Variants in USP7 observed in about 807,000 individuals in gnomAD.
USP7 encodes the protein ubiquitin C-terminal hydrolase 7.
In USP7, 9 loss-of-function variants were observed where a neutral mutation model predicts 162.9. The ratio of observed to expected loss-of-function variants is 0.06; its 90% CI spans 0.03 to 0.10. The LOEUF (loss-of-function observed/expected upper bound fraction) is 0.10, where lower values mean the gene tolerates loss of function less well. USP7 is among the 10% of genes least tolerant of loss of function. The pLI, the probability that USP7 is intolerant of heterozygous loss-of-function variation, is 1.00. For synonymous variants in USP7, 562 were observed against 475.9 expected, an observed-to-expected ratio of 1.18 and a Z score of -2.35; for missense variants, 715 against 1,373.7, an observed-to-expected ratio of 0.52 and a Z score of 7.58.
chr16:8,896,137 CTTTTTT>C (rs60467243), intron 26 of USP7, among the ~76,000 whole-genome samples: 7 of 126,106 alleles, frequency 5.6e-5, no homozygotes, highest in Middle Eastern at 4.2e-3. Context: ...CCATGCCCAG[CTTTTTT>C]TTTTTTTTTT....
At chr16:8,959,323 A>C (rs115256200) in intron 1 of USP7, among the ~76,000 whole-genome samples, 1 of 150,886 alleles carries the variant, frequency 6.6e-6, no homozygotes, top group Non-Finnish European at 1.5e-5. Context: ...TTTTTACTTA[A>C]TGACCTCTTT....
chr16:8,912,351 C>G (rs980582522), intron 10 of USP7, among the ~76,000 whole-genome samples: 18 of 150,964 alleles, frequency 1.2e-4, no homozygotes, highest in African/African-American at 4.4e-4. Context: ...ACTCAGGAGG[C>G]TGAAAGGAGA....
chr16:8,928,539 T>C (rs369253853), intron 2 of USP7, among the ~76,000 whole-genome samples: 9 of 152,260 alleles, frequency 5.9e-5, no homozygotes, highest in East Asian at 5.8e-4. Flanking sequence ...AAGAAGAGGA[T>C]TGCGCAATTT....
chr16:8,905,758 G>T (rs1333066093), intron 13 of USP7, among the ~76,000 whole-genome samples: 2 of 152,144 alleles, frequency 1.3e-5, no homozygotes, highest in African/African-American at 4.8e-5. Flanking sequence ...CTATCCCATG[G>T]CATTTTATGG....
At chr16:8,948,137 CACT>C (rs550493232) in intron 1 of USP7, among the ~76,000 whole-genome samples, 62 of 152,330 alleles carry the variant, frequency 4.1e-4, no homozygotes, top group African/African-American at 1.4e-3. Context: ...TGTAAAATCC[CACT>C]AATAAATCCC....
chr16:8,942,076 G>GGTAGA (rs71155420), intron 1 of USP7, among the ~76,000 whole-genome samples: 2 of 152,226 alleles, frequency 1.3e-5, no homozygotes, highest in Non-Finnish European at 2.9e-5. Flanking sequence ...GTGCAGTCCA[G>GGTAGA]GTAGAGCAAA....
At chr16:8,934,495 C>G (rs1381510673) in intron 1 of USP7, among the ~76,000 whole-genome samples, 1 of 152,212 alleles carries the variant, frequency 6.6e-6, no homozygotes, top group Non-Finnish European at 1.5e-5. Flanking sequence ...GCTCTACCCC[C>G]CATTTTTCAG....
chr16:8,923,097 G>C (rs986994367), intron 3 of USP7, 118 bp downstream of exon 3: 5 of 503,216 alleles, frequency 9.9e-6, no homozygotes, highest in Non-Finnish European at 1.6e-5. Context: ...GTTTTAAAGA[G>C]AAACACGTAT....
At chr16:8,940,627 C>T (rs577959497) in intron 1 of USP7, among the ~76,000 whole-genome samples, 20 of 152,190 alleles carry the variant, frequency 1.3e-4, no homozygotes, top group South Asian at 6.2e-4. Flanking sequence ...ACGATGGTGG[C>T]AGCCAAAAAA....
In USP7 at chr16:8,893,702, AC is replaced by A. The variant is rs947498293; in HGVS notation, c.*295del. The A allele has an allele frequency of 3.5e-4, 119 of 339,516 alleles. 2 individuals are homozygous for A. In the Middle Eastern group the frequency reaches 4.0e-3, roughly 11 times the overall value. 21.0% of individuals were successfully genotyped at this position (339,516 alleles called of 1,614,324 possible). On this transcript the variant is annotated 3_prime_UTR_variant, in exon 31 of 31. Transcript: ENST00000344836. ...ACAGCCCAGAGACCTTGAGCCAGGG[AC>A]CCCCGATCCACTAACCTCTTCTCCC... is the stretch of plus-strand genomic sequence containing the variant.
chr16:8,928,543 G>A (rs145904392), intron 2 of USP7, among the ~76,000 whole-genome samples: 4 of 152,266 alleles, frequency 2.6e-5, no homozygotes, highest in African/African-American at 7.2e-5. Flanking sequence ...AGAGGATTGC[G>A]CAATTTGTAC....
rs143655773 is a variant in USP7 at position 8,941,893 on chromosome 16, T to A, written c.80-11496A>T. On this transcript the variant is annotated intron_variant, in intron 1 of 30. Coordinates refer to ENST00000344836, the MANE Select transcript of USP7 (RefSeq NM_003470.3). ...TGGTCTCCTGGTGCTCACTAGGAAG[T>A]GGGAGGCAAGTCCCTTGGTGATCAT... Among the ~76,000 whole-genome samples, 30 of 152,254 alleles carry A rather than the reference T, an allele frequency of 2.0e-4. No individual in the cohort carries two copies. The East Asian group carries it at 5.6e-3, about 28-fold the overall frequency.
At chr16:8,903,901 G>C (rs954434662) in intron 15 of USP7, among the ~76,000 whole-genome samples, 2 of 151,462 alleles carry the variant, frequency 1.3e-5, no homozygotes, top group African/African-American at 4.8e-5. Flanking sequence ...AAAAAGAAAA[G>C]GAGACTGTGT....
At chr16:8,942,903 G>A (rs1899111164) in intron 1 of USP7, among the ~76,000 whole-genome samples, 1 of 152,154 alleles carries the variant, frequency 6.6e-6, no homozygotes, top group South Asian at 2.1e-4. Context: ...CATTAGGCTG[G>A]CTGGAAAGCC....
chr16:8,940,423 A>C (rs1898984904), intron 1 of USP7, among the ~76,000 whole-genome samples: 1 of 152,184 alleles, frequency 6.6e-6, no homozygotes, highest in South Asian at 2.1e-4. Context: ...ACACAACGAG[A>C]GGCAGAAGGT....
chr16:8,960,046 G>A (rs1040518590), intron 1 of USP7, among the ~76,000 whole-genome samples: 3 of 152,166 alleles, frequency 2.0e-5, no homozygotes, highest in African/African-American at 4.8e-5. Flanking sequence ...ATTCAATAGC[G>A]TCTACACCGA....
chr16:8,928,222 G>A (rs769751516), intron 2 of USP7, among the ~76,000 whole-genome samples: 1 of 152,120 alleles, frequency 6.6e-6, no homozygotes, highest in East Asian at 1.9e-4. Context: ...AGTCTTCTGT[G>A]CAAATCAGTC....
chr16:8,960,428 A>G (rs1312186621), intron 1 of USP7, among the ~76,000 whole-genome samples: 1 of 152,250 alleles, frequency 6.6e-6, no homozygotes, highest in Non-Finnish European at 1.5e-5. Context: ...ACTCAAAAGC[A>G]AATGCAACCC....
intron 1 of USP7, among the ~76,000 whole-genome samples, chr16:8,943,789 C>G (rs1899156119): frequency 6.6e-6 from 1 of 152,190 alleles, no homozygotes; most frequent in Non-Finnish European, 1.5e-5. Context: ...CCACAAAAAC[C>G]CATTCCCCAA....
Sources: gnomAD v4.1 joint callset for allele counts (sites outside exome capture counted in the v4.1 genomes callset) on GRCh38, gnomAD v4.1.1 for gene constraint, MANE v1.5 for transcripts, NCBI Gene and HGNC (gene_info 2026-07-23, HGNC 2026-07-21) for gene names.